The following RUNX2 variants were observed in gnomAD, a reference collection of about 807,000 sequenced individuals.
RUNX2 encodes runt-related transcription factor 2.
RUNX2 carries 10 observed loss-of-function variants against 51.7 expected under a neutral mutation model. That is an observed-to-expected ratio of 0.19 (90% CI 0.12 to 0.33). The LOEUF is 0.33. Among genes scored for constraint, RUNX2 ranks in the 10% least tolerant of loss-of-function variants. The pLI is 1.00. For synonymous variants in RUNX2, 276 were observed against 273.6 expected, an observed-to-expected ratio of 1.01 and a Z score of -0.09; for missense variants, 562 against 691.3, an observed-to-expected ratio of 0.81 and a Z score of 2.10.
intron 2 of RUNX2, among the ~76,000 whole-genome samples, chr6:45,385,752 C>G (rs1000971047): frequency 1.3e-5 from 2 of 152,104 alleles, no homozygotes; most frequent in African/African-American, 4.8e-5. Context: ...ATACAGAAAT[C>G]AGCTGGGCAT....
chr6:45,438,770 C>G (rs1352611482), intron 5 of RUNX2, among the ~76,000 whole-genome samples: 1 of 152,058 alleles, frequency 6.6e-6, no homozygotes, highest in Non-Finnish European at 1.5e-5. Flanking sequence ...TTTGCTTCCC[C>G]CACCCCCACC....
chr6:45,423,307 T>C (rs1236977537), intron 3 of RUNX2, among the ~76,000 whole-genome samples: 1 of 152,122 alleles, frequency 6.6e-6, no homozygotes, highest in Non-Finnish European at 1.5e-5. Flanking sequence ...TACCCACTCT[T>C]GCACTGCGAG....
chr6:45,440,637 G>A (rs762755056), intron 5 of RUNX2, among the ~76,000 whole-genome samples: 1 of 141,940 alleles, frequency 7.0e-6, no homozygotes, highest in Non-Finnish European at 1.5e-5. Context: ...GGGACCAGAA[G>A]TGTTTCGGAT....
chr6:45,436,276 A>C (rs1798681859), intron 4 of RUNX2, among the ~76,000 whole-genome samples: 1 of 152,074 alleles, frequency 6.6e-6, no homozygotes, highest in Admixed American at 6.5e-5. Context: ...CCACTTAAGG[A>C]AGTGGCCAAG....
intron 2 of RUNX2, among the ~76,000 whole-genome samples, chr6:45,332,862 A>G (rs147268817): frequency 6.6e-6 from 1 of 151,708 alleles, no homozygotes; most frequent in Non-Finnish European, 1.5e-5. Context: ...AGCAGATCCA[A>G]TGGTAATTTA....
intron 2 of RUNX2, among the ~76,000 whole-genome samples, chr6:45,337,871 TA>T (rs1484218485): frequency 6.6e-6 from 1 of 152,024 alleles, no homozygotes; most frequent in Non-Finnish European, 1.5e-5. Flanking sequence ...AATAAGATTT[TA>T]TTTTTTTAGA....
At chr6:45,443,251 A>C (rs942951437) in intron 5 of RUNX2, among the ~76,000 whole-genome samples, 5 of 151,798 alleles carry the variant, frequency 3.3e-5, no homozygotes, top group African/African-American at 1.2e-4. Context: ...GGGTCTCACT[A>C]TGTTTCCTAG....
At chr6:45,455,689 G>A (rs1799300095) in intron 5 of RUNX2, among the ~76,000 whole-genome samples, 1 of 152,160 alleles carries the variant, frequency 6.6e-6, no homozygotes. Context: ...AGGGTGGAAG[G>A]TGAAGGAGCA....
intron 2 of RUNX2, among the ~76,000 whole-genome samples, chr6:45,346,567 C>CT (rs71745024): frequency 0.44 from 61,408 of 140,262 alleles, 14,199 homozygotes; most frequent in African/African-American, 0.52. Context: ...ATAAACATTT[C>CT]TTTTTTTTTT....
At chr6:45,449,115 T>G (rs528922843) in intron 5 of RUNX2, among the ~76,000 whole-genome samples, 20 of 152,378 alleles carry the variant, frequency 1.3e-4, no homozygotes, top group African/African-American at 4.1e-4. Flanking sequence ...GATTCCCTTA[T>G]GGCTAAGGGG....
At chr6:45,486,944 T>C (rs1409944157) in intron 5 of RUNX2, among the ~76,000 whole-genome samples, 2 of 152,170 alleles carry the variant, frequency 1.3e-5, no homozygotes, top group Admixed American at 6.5e-5. Context: ...AATGGTAGTA[T>C]TACTAACTTT....
chr6:45,454,947 C>G (rs1218367384), intron 5 of RUNX2, among the ~76,000 whole-genome samples: 1 of 152,112 alleles, frequency 6.6e-6, no homozygotes, highest in Non-Finnish European at 1.5e-5. Context: ...AACCCCGTCT[C>G]TACTAAAAAT....
In RUNX2 at chr6:45,412,381, C is replaced by A. The variant is rs926093039; in HGVS notation, c.59-10212C>A. Among the ~76,000 whole-genome samples, 7 of 150,726 alleles carry A rather than the reference C, an allele frequency of 4.6e-5. 1 individual carries two copies. Among genetic ancestry groups the A allele is most frequent in the Admixed American group, 6.6e-5 (1 of 15,168 alleles). On this transcript the variant is annotated intron_variant, in intron 2 of 8. Coordinates refer to ENST00000647337, the MANE Select transcript of RUNX2 (RefSeq NM_001024630.4). Reference sequence around the variant, plus strand: ...AAAAAATAAAAAATAAAAAACAAAACCCCCCAAAAAAAAGAAGACTTGCTA... The same window carrying A: ...AAAAAATAAAAAATAAAAAACAAAAACCCCCAAAAAAAAGAAGACTTGCTA...
At chr6:45,520,498 A>G (rs1369957495) in intron 7 of RUNX2, among the ~76,000 whole-genome samples, 2 of 152,160 alleles carry the variant, frequency 1.3e-5, no homozygotes, top group Admixed American at 1.3e-4. Flanking sequence ...TCTCCTAGGT[A>G]AAGGGGGGCC....
At chr6:45,470,667 A>G (rs1217763881) in intron 5 of RUNX2, among the ~76,000 whole-genome samples, 4 of 152,186 alleles carry the variant, frequency 2.6e-5, no homozygotes, top group Non-Finnish European at 5.9e-5. Flanking sequence ...GGTACCGGAA[A>G]TACTTCTCCT....
rs137956595 is a variant in RUNX2, at chr6:45,437,212, C to T, written c.581-735C>T. ...GATGTAATATTTCAATGAAGCACAC[C>T]TTCTGCTAAAAGCAAAATTTGAGTT... On this transcript the variant is annotated intron_variant, in intron 4 of 8. Coordinates refer to ENST00000647337, the MANE Select transcript of RUNX2 (RefSeq NM_001024630.4). 2.2e-4 allele frequency among the ~76,000 whole-genome samples: 33 copies of T among 152,248 alleles called. 2 individuals are homozygous for T. In the East Asian group the frequency reaches 6.4e-3, roughly 29 times the overall value.
chr6:45,409,046 C>T (rs534949860), intron 2 of RUNX2, among the ~76,000 whole-genome samples: 1 of 152,308 alleles, frequency 6.6e-6, no homozygotes, highest in Admixed American at 6.5e-5. Context: ...TCTTTTATGT[C>T]TAACATATCT....
chr6:45,342,406 T>A (rs2150139703), intron 2 of RUNX2, among the ~76,000 whole-genome samples: 1 of 152,104 alleles, frequency 6.6e-6, no homozygotes, highest in Middle Eastern at 3.4e-3. Context: ...GGACTACAGG[T>A]GCGCACCACC....
rs188532869 is a variant in RUNX2 at position 45,428,618 on chromosome 6, C to T, written c.424-3245C>T. Among the ~76,000 whole-genome samples, 291 of 152,062 alleles carry T rather than the reference C, an allele frequency of 1.9e-3. 2 individuals carry two copies. The highest frequency in any genetic ancestry group is 6.6e-3 in the African/African-American group (275 of 41,452). On this transcript the variant is annotated intron_variant, in intron 3 of 8. Transcript: ENST00000647337. ...TTTATTTGTTTTGTAAAATGTGATA[C>T]GTAAAACACACTAATATTGAATATG...
Sources: allele counts gnomAD v4.1 joint callset (sites outside exome capture counted in the v4.1 genomes callset), GRCh38; gene constraint gnomAD v4.1.1; transcripts MANE v1.5; gene names NCBI Gene and HGNC (gene_info 2026-07-23, HGNC 2026-07-21).